The following PCDHA9 variants were observed in gnomAD, a reference collection of about 807,000 sequenced individuals.
PCDHA9 encodes protocadherin alpha-9.
PCDHA9 carries 62 observed loss-of-function variants against 62.0 expected under a neutral mutation model. The ratio of observed to expected loss-of-function variants is 1.00; its 90% CI spans 0.81 to 1.23. The LOEUF is 1.23. Ranked by LOEUF, PCDHA9 falls within the 50% of genes most tolerant of loss-of-function variation. The probability of loss-of-function intolerance (pLI) is 0.00; values close to 1 mark genes in which losing one functional copy is unlikely to be tolerated. For synonymous variants in PCDHA9, 557 were observed against 567.6 expected (o/e 0.98, Z 0.27); for missense variants, 1,205 against 1,249.8 (o/e 0.96, Z 0.54).
At position 140,889,293 on chromosome 5, in the gene PCDHA9, T is replaced by C. The variant is rs1051889855; in HGVS notation, c.2394+38404T>C. 3.3e-5 allele frequency among the ~76,000 whole-genome samples: 5 copies of C among 152,196 alleles called. No individual in the cohort carries two copies. The South Asian group carries it at 6.2e-4, about 19-fold the overall frequency. The stretch of plus-strand genomic sequence containing the variant: ...ATCTTTGAATTACTTCTTATTTGAT[T>C]GGAGAACTCACTGTTGAAGTTATCT... On this transcript the variant is annotated intron_variant, in intron 1 of 3. Transcript: ENST00000532602.
At chr5:140,891,078 T>G (rs1554184657) in intron 1 of PCDHA9, among the ~76,000 whole-genome samples, 1 of 152,198 alleles carries the variant, frequency 6.6e-6, no homozygotes, top group Admixed American at 6.6e-5. Flanking sequence ...CAGTGTCTAC[T>G]GGTTTCCATT....
At chr5:140,989,890 G>A (rs368567650) in intron 3 of PCDHA9, among the ~76,000 whole-genome samples, 5 of 151,974 alleles carry the variant, frequency 3.3e-5, no homozygotes, top group Middle Eastern at 3.4e-3. Context: ...TGGAGTCTCC[G>A]TTATTCACAA....
intron 1 of PCDHA9, among the ~76,000 whole-genome samples, chr5:140,885,515 A>G (rs537252415): frequency 6.6e-6 from 1 of 152,294 alleles, no homozygotes; most frequent in South Asian, 2.1e-4. Context: ...ATGCTGTGCT[A>G]TCATTTCATA....
chr5:140,928,068 C>T (rs1554205429), intron 1 of PCDHA9: 2 of 1,614,214 alleles, frequency 1.2e-6, no homozygotes, highest in Non-Finnish European at 1.7e-6. Context: ...CTTCCTTTGA[C>T]AACTACTACA....
At chr5:140,880,554 A>T (rs546471112) in intron 1 of PCDHA9, among the ~76,000 whole-genome samples, 1 of 152,360 alleles carries the variant, frequency 6.6e-6, no homozygotes, top group South Asian at 2.1e-4. Flanking sequence ...ACTGATGGAA[A>T]TGAGGTTGAG....
chr5:140,983,719 A>C (rs1417350764), intron 3 of PCDHA9, among the ~76,000 whole-genome samples: 1 of 152,256 alleles, frequency 6.6e-6, no homozygotes, highest in African/African-American at 2.4e-5. Context: ...TAGCACTTAT[A>C]TTCATAACAT....
rs1587841717 is a variant in PCDHA9, at chr5:140,999,568, GA to G, written c.2543-10058del. On this transcript the variant is annotated intron_variant, in intron 3 of 3. Transcript: ENST00000532602. ...ATGAAGAGGGGGTATTTTGAGAAGA[GA>G]CTATAAAGGGAAATTGCCTTCCCTA... Among the ~76,000 whole-genome samples the G allele has an allele frequency of 2.0e-5, 3 of 152,084 alleles. No homozygotes were observed. In the South Asian group the frequency reaches 6.2e-4, roughly 32 times the overall value.
chr5:140,871,180 G>C (rs376198166), intron 1 of PCDHA9: 48 of 1,613,470 alleles, frequency 3.0e-5, no homozygotes, highest in Non-Finnish European at 3.9e-5. Context: ...GGCTGCGCTG[G>C]TGGATGTCAA....
At chr5:140,976,518 A>G (rs2096720750) in intron 1 of PCDHA9, among the ~76,000 whole-genome samples, 1 of 152,070 alleles carries the variant, frequency 6.6e-6, no homozygotes, top group Admixed American at 6.6e-5. Flanking sequence ...GCCACTGCAC[A>G]CCAGCCTAAA....
intron 1 of PCDHA9, among the ~76,000 whole-genome samples, chr5:140,974,766 G>A (rs2096639663): frequency 6.6e-6 from 1 of 152,158 alleles, no homozygotes; most frequent in Non-Finnish European, 1.5e-5. Flanking sequence ...GGGATTACAG[G>A]TATGAGCCAC....
chr5:140,857,464 C>T lies in PCDHA9; in HGVS notation c.2394+6575C>T. On this transcript the variant is annotated intron_variant, in intron 1 of 3. Transcript: ENST00000532602. ...AGGAGAACAACCCGCCAGGCTGCCACATCTTCACGGTGTCTGCGTGGGACG... is the reference window on the plus strand; with the variant it reads ...AGGAGAACAACCCGCCAGGCTGCCATATCTTCACGGTGTCTGCGTGGGACG... 1.9e-6 allele frequency: 3 copies of T among 1,598,642 alleles called. 1 individual carries two copies. The South Asian group carries it at 3.3e-5, about 18-fold the overall frequency.
chr5:140,987,536 A>G (rs555442118), intron 3 of PCDHA9, among the ~76,000 whole-genome samples: 126 of 152,290 alleles, frequency 8.3e-4, no homozygotes, highest in Non-Finnish European at 1.6e-3. Context: ...TCCTGGGACC[A>G]TTACTTAACT....
At chr5:140,935,382 T>G (rs1475831801) in intron 1 of PCDHA9, among the ~76,000 whole-genome samples, 1 of 152,218 alleles carries the variant, frequency 6.6e-6, no homozygotes, top group Non-Finnish European at 1.5e-5. Flanking sequence ...AATTACTCAT[T>G]TGTTATCCCA....
chr5:140,992,576 G>T (rs992150186), intron 3 of PCDHA9, among the ~76,000 whole-genome samples: 4 of 152,172 alleles, frequency 2.6e-5, no homozygotes, highest in Admixed American at 2.0e-4. Flanking sequence ...CATATTGCCT[G>T]CCTTGTATGC....
intron 1 of PCDHA9, chr5:140,858,095 G>C: frequency 1.3e-6 from 2 of 1,597,916 alleles, no homozygotes; most frequent in Non-Finnish European, 1.7e-6. Context: ...GCGGGCTTCA[G>C]TGGGCGTGGC....
intron 1 of PCDHA9, among the ~76,000 whole-genome samples, chr5:140,922,302 A>G (rs2080767601): frequency 6.6e-6 from 1 of 152,222 alleles, no homozygotes; most frequent in African/African-American, 2.4e-5. Flanking sequence ...AGGAGAGGAT[A>G]CCTTTCACTG....
chr5:140,942,316 A>G (rs1197832358), intron 1 of PCDHA9, among the ~76,000 whole-genome samples: 1 of 152,100 alleles, frequency 6.6e-6, no homozygotes, highest in Non-Finnish European at 1.5e-5. Flanking sequence ...AGGTCGAGGC[A>G]CAAGAATCAC....
chr5:140,988,528 T>C (rs1391489747), intron 3 of PCDHA9, among the ~76,000 whole-genome samples: 1 of 152,194 alleles, frequency 6.6e-6, no homozygotes, highest in African/African-American at 2.4e-5. Flanking sequence ...CTCTGCTGGC[T>C]CCATCCATTC....
In PCDHA9 at chr5:140,877,646, C is replaced by T. The variant is rs782472866; in HGVS notation, c.2394+26757C>T. 7 of 1,613,560 alleles carry T rather than the reference C, an allele frequency of 4.3e-6. No individual in the cohort carries two copies. The Admixed American group carries it at 6.7e-5, about 15-fold the overall frequency. On this transcript the variant is annotated intron_variant, in intron 1 of 3. Coordinates refer to ENST00000532602, the MANE Select transcript of PCDHA9 (RefSeq NM_031857.2). ...CTGTACACTGCGCTGCGTTGCTCAG[C>T]GCCGCCCACCGTGAGCCGGTGCGCG...
Sources: gnomAD v4.1 joint callset for allele counts (sites outside exome capture counted in the v4.1 genomes callset) on GRCh38, gnomAD v4.1.1 for gene constraint, MANE v1.5 for transcripts, NCBI Gene and HGNC (gene_info 2026-07-23, HGNC 2026-07-21) for gene names.